Variants in WWOX observed in about 807,000 individuals in gnomAD.
The protein encoded by WWOX is WW domain containing oxidoreductase.
In WWOX, 69 loss-of-function variants were observed where a neutral mutation model predicts 46.2. The ratio of observed to expected loss-of-function variants is 1.49; its 90% CI spans 1.23 to 1.82. WWOX has a LOEUF of 1.82. WWOX is among the 40% of genes most tolerant of loss of function. WWOX has a pLI of 0.00. For synonymous variants in WWOX, 359 were observed against 202.6 expected (o/e 1.77, Z -6.56); for missense variants, 919 against 542.6 (o/e 1.69, Z -6.89).
chr16:78,710,931 A>C (rs956201655), intron 8 of WWOX, among the ~76,000 whole-genome samples: 1 of 151,982 alleles, frequency 6.6e-6, no homozygotes, highest in African/African-American at 2.4e-5. Context: ...GGGACCTTAG[A>C]ATTTTTTCTC....
chr16:78,377,603 G>C (rs537969339), intron 5 of WWOX, among the ~76,000 whole-genome samples: 2 of 152,292 alleles, frequency 1.3e-5, no homozygotes, highest in Admixed American at 1.3e-4. Flanking sequence ...CCAACCTCCT[G>C]TGTCATTCAC....
intron 8 of WWOX, among the ~76,000 whole-genome samples, chr16:79,060,169 A>G (rs975766279): frequency 6.6e-6 from 1 of 152,206 alleles, no homozygotes; most frequent in African/African-American, 2.4e-5. Flanking sequence ...GGGGAGGAGA[A>G]CATAAAAACC....
At chr16:78,152,286 C>G (rs143545756) in intron 4 of WWOX, among the ~76,000 whole-genome samples, 5 of 152,040 alleles carry the variant, frequency 3.3e-5, no homozygotes, top group Admixed American at 6.5e-5. Context: ...GTATTTTGTC[C>G]TATTCATGCA....
intron 8 of WWOX, among the ~76,000 whole-genome samples, chr16:78,442,240 G>A (rs13335528): frequency 2.0e-5 from 3 of 151,918 alleles, no homozygotes; most frequent in Non-Finnish European, 4.4e-5. Context: ...TTAACACATC[G>A]GTCAACTTAC....
At chr16:78,242,068 A>T (rs2037668495) in intron 5 of WWOX, among the ~76,000 whole-genome samples, 1 of 152,200 alleles carries the variant, frequency 6.6e-6, no homozygotes, top group Non-Finnish European at 1.5e-5. Context: ...TTGGTGCAGG[A>T]GCTGTTAGCC....
At chr16:79,110,626 C>T (rs1052166502) in intron 8 of WWOX, 4 of 152,244 alleles carry the variant, frequency 2.6e-5, no homozygotes, top group African/African-American at 9.6e-5. Context: ...CCCACTCTGT[C>T]TCTCTTGGCT....
chr16:78,504,676 A>T (rs775507819), intron 8 of WWOX, among the ~76,000 whole-genome samples: 1 of 152,124 alleles, frequency 6.6e-6, no homozygotes, highest in Non-Finnish European at 1.5e-5. Context: ...ATCTCTGTGC[A>T]TCGGGGAGGA....
At chr16:78,630,579 C>A (rs1027751193) in intron 8 of WWOX, among the ~76,000 whole-genome samples, 1 of 152,140 alleles carries the variant, frequency 6.6e-6, no homozygotes, top group Non-Finnish European at 1.5e-5. Flanking sequence ...TTAAATGCAT[C>A]CTGTGTGACC....
At chr16:79,100,026 TCTC>T (rs1374950980) in intron 8 of WWOX, among the ~76,000 whole-genome samples, 19 of 152,166 alleles carry the variant, frequency 1.2e-4, no homozygotes, top group African/African-American at 4.3e-4. Context: ...AAACAGTTCT[TCTC>T]TTAAAATCTT....
intron 8 of WWOX, among the ~76,000 whole-genome samples, chr16:78,470,736 C>T (rs2084201897): frequency 6.6e-6 from 1 of 152,090 alleles, no homozygotes; most frequent in African/African-American, 2.4e-5. Flanking sequence ...ACCATGTGGG[C>T]CAGGCTGGTC....
At chr16:78,437,108 A>C (rs1470280727) in intron 8 of WWOX, among the ~76,000 whole-genome samples, 1 of 152,182 alleles carries the variant, frequency 6.6e-6, no homozygotes, top group Non-Finnish European at 1.5e-5. Flanking sequence ...CTGTTGCATG[A>C]GGTCAGGGGA....
intron 7 of WWOX, among the ~76,000 whole-genome samples, chr16:78,427,728 T>C (rs751901061): frequency 1.3e-5 from 2 of 152,028 alleles, no homozygotes; most frequent in Non-Finnish European, 2.9e-5. Context: ...CGGTAAGCGT[T>C]GATCATGCCA....
intron 8 of WWOX, among the ~76,000 whole-genome samples, chr16:78,646,926 T>G (rs902037634): frequency 6.6e-6 from 1 of 151,810 alleles, no homozygotes; most frequent in Non-Finnish European, 1.5e-5. Flanking sequence ...TGAAGCGAGG[T>G]GGGTTGGAGG....
At chr16:78,304,394 C>T (rs2080095833) in intron 5 of WWOX, among the ~76,000 whole-genome samples, 1 of 152,120 alleles carries the variant, frequency 6.6e-6, no homozygotes, top group South Asian at 2.1e-4. Flanking sequence ...CCACTTTTTC[C>T]AGCCATGCTG....
At chr16:78,630,668 T>G (rs368100558) in intron 8 of WWOX, among the ~76,000 whole-genome samples, 16 of 152,292 alleles carry the variant, frequency 1.1e-4, no homozygotes, top group African/African-American at 3.1e-4. Context: ...CTGTGCTCAT[T>G]TTGCCTTGCA....
At chr16:78,869,436 C>T (rs969983980) in intron 8 of WWOX, among the ~76,000 whole-genome samples, 1 of 152,210 alleles carries the variant, frequency 6.6e-6, no homozygotes, top group Admixed American at 6.5e-5. Context: ...ACTACAGTCA[C>T]CAACACAAGT....
intron 8 of WWOX, chr16:78,897,726 A>T (rs2044735033): frequency 6.6e-6 from 1 of 152,152 alleles, no homozygotes; most frequent in Non-Finnish European, 1.5e-5. Context: ...CTTAGTGTTT[A>T]ACTTGTAAGA....
chr16:78,672,811 A>G (rs966893034), intron 8 of WWOX, among the ~76,000 whole-genome samples: 19 of 152,212 alleles, frequency 1.2e-4, no homozygotes, highest in African/African-American at 3.4e-4. Context: ...GATAACAGCC[A>G]TCTGACTTGA....
intron 8 of WWOX, among the ~76,000 whole-genome samples, chr16:79,185,784 T>C (rs2051001262): frequency 6.6e-6 from 1 of 152,076 alleles, no homozygotes; most frequent in Non-Finnish European, 1.5e-5. Context: ...CGAGAGGGTG[T>C]GGTTCTCAGG....
Sources: gnomAD v4.1 joint callset for allele counts (sites outside exome capture counted in the v4.1 genomes callset) on GRCh38, gnomAD v4.1.1 for gene constraint, MANE v1.5 for transcripts, NCBI Gene and HGNC (gene_info 2026-07-23, HGNC 2026-07-21) for gene names.